CEP112: variants seen among roughly 807,000 people sequenced by gnomAD.
CEP112 encodes centrosomal protein of 112 kDa.
A neutral mutation model predicts 153.0 loss-of-function variants in CEP112; 127 were observed. The observed-to-expected ratio is 0.83, with a 90% CI of 0.72 to 0.96. CEP112 has a LOEUF of 0.96. Among genes scored for constraint, CEP112 ranks in the 40% least tolerant of loss-of-function variants. CEP112 has a pLI of 0.00. For synonymous variants in CEP112, 358 were observed against 374.4 expected (o/e 0.96, Z 0.51); for missense variants, 1,089 against 1,101.2 (o/e 0.99, Z 0.16).
intron 23 of CEP112, among the ~76,000 whole-genome samples, chr17:65,741,034 A>G (rs2051103894): frequency 6.6e-6 from 1 of 152,190 alleles, no homozygotes; most frequent in African/African-American, 2.4e-5. Flanking sequence ...AGTAAGACAG[A>G]TTGTGGCTTG....
At chr17:65,916,560 G>A (rs2060500493) in intron 19 of CEP112, among the ~76,000 whole-genome samples, 1 of 150,914 alleles carries the variant, frequency 6.6e-6, no homozygotes, top group Non-Finnish European at 1.5e-5. Flanking sequence ...TTTGAAATGG[G>A]TGGGTGGGGT....
chr17:65,767,176 T>C (rs1286536454), intron 21 of CEP112, among the ~76,000 whole-genome samples: 1 of 152,052 alleles, frequency 6.6e-6, no homozygotes, highest in Non-Finnish European at 1.5e-5. Context: ...ATCAAAATCA[T>C]GTCAAGTATT....
intron 20 of CEP112, among the ~76,000 whole-genome samples, chr17:65,867,283 T>TCACCACTTTGAGTGG: frequency 6.6e-6 from 1 of 152,282 alleles, no homozygotes; most frequent in South Asian, 2.1e-4. Context: ...CACATACTAT[T>TCACCACTTTGAGTGG]CACCACTTTG....
intron 21 of CEP112, among the ~76,000 whole-genome samples, chr17:65,841,984 T>C (rs1472361470): frequency 6.6e-6 from 1 of 151,946 alleles, no homozygotes; most frequent in Non-Finnish European, 1.5e-5. Context: ...TCCATTTAAA[T>C]ATAAAACTTT....
At chr17:65,637,938 A>G (rs2044865878) in intron 25 of CEP112, among the ~76,000 whole-genome samples, 1 of 152,260 alleles carries the variant, frequency 6.6e-6, no homozygotes, top group Non-Finnish European at 1.5e-5. Flanking sequence ...ACAGAACTTC[A>G]TAGCGGAAAG....
At chr17:66,177,678 CTAT>C (rs2072545128) in intron 2 of CEP112, among the ~76,000 whole-genome samples, 1 of 152,146 alleles carries the variant, frequency 6.6e-6, no homozygotes, top group Non-Finnish European at 1.5e-5. Context: ...CGCATTCACT[CTAT>C]GTTTTTGTAC....
intron 23 of CEP112, among the ~76,000 whole-genome samples, chr17:65,697,639 C>G (rs138301726): frequency 6.6e-6 from 1 of 152,198 alleles, no homozygotes; most frequent in East Asian, 1.9e-4. Flanking sequence ...GAAAGTGACA[C>G]AGTGGCAGCG....
At chr17:65,920,810 C>G (rs930132563) in intron 19 of CEP112, among the ~76,000 whole-genome samples, 1 of 151,980 alleles carries the variant, frequency 6.6e-6, no homozygotes, top group African/African-American at 2.4e-5. Context: ...CCCCTGTGTC[C>G]CAGGCACCAC....
intron 12 of CEP112, among the ~76,000 whole-genome samples, chr17:66,050,485 C>T (rs184966231): frequency 1.1e-3 from 174 of 152,276 alleles, no homozygotes; most frequent in African/African-American, 3.2e-3. Context: ...AACCTAGTGT[C>T]TTCTGCTGAG....
At chr17:65,785,718 T>G (rs1027804650) in intron 21 of CEP112, among the ~76,000 whole-genome samples, 2 of 152,212 alleles carry the variant, frequency 1.3e-5, no homozygotes, top group Non-Finnish European at 2.9e-5. Flanking sequence ...TCATGAAAAT[T>G]TACTTGCATG....
chr17:65,777,632 C>T (rs1484826753), intron 21 of CEP112, among the ~76,000 whole-genome samples: 1 of 151,560 alleles, frequency 6.6e-6, no homozygotes, highest in Non-Finnish European at 1.5e-5. Flanking sequence ...GGTTGAAGTT[C>T]TCCTCCCCTT....
chr17:65,718,372 C>A (rs1306362641), intron 23 of CEP112, among the ~76,000 whole-genome samples: 1 of 150,458 alleles, frequency 6.6e-6, no homozygotes, highest in Non-Finnish European at 1.5e-5. Context: ...TGCACCATTG[C>A]ACTCCAGCCT....
chr17:65,644,427 C>T (rs953269623), intron 24 of CEP112: 7 of 487,668 alleles, frequency 1.4e-5, no homozygotes, highest in Admixed American at 5.3e-5. Context: ...AGGCTTAGCT[C>T]GGTTGCATTT....
chr17:65,858,604 T>C (rs2058202645), intron 20 of CEP112, among the ~76,000 whole-genome samples: 12 of 152,176 alleles, frequency 7.9e-5, no homozygotes, highest in Admixed American at 7.9e-4. Flanking sequence ...TTATTCCCAA[T>C]ATTGTTTATT....
intron 21 of CEP112, among the ~76,000 whole-genome samples, chr17:65,759,288 C>G (rs764224729): frequency 2.6e-5 from 4 of 152,094 alleles, no homozygotes. Flanking sequence ...ATGGAGTAAC[C>G]ATTCTTTTAT....
intron 20 of CEP112, among the ~76,000 whole-genome samples, chr17:65,873,305 A>G (rs769300683): frequency 3.9e-5 from 6 of 152,198 alleles, no homozygotes; most frequent in Non-Finnish European, 8.8e-5. Flanking sequence ...GGTTACCACC[A>G]GTTTCTCAAA....
At chr17:66,011,233 G>A (rs1041113609) in intron 16 of CEP112, among the ~76,000 whole-genome samples, 15 of 151,896 alleles carry the variant, frequency 9.9e-5, no homozygotes, top group South Asian at 2.1e-4. Context: ...CTTCAGTTCC[G>A]TTCTACTTTT....
intron 20 of CEP112, among the ~76,000 whole-genome samples, chr17:65,870,216 T>C (rs1472521252): frequency 6.6e-6 from 1 of 152,172 alleles, no homozygotes; most frequent in Admixed American, 6.5e-5. Flanking sequence ...ATGGCTACAT[T>C]TGTTTTTTTG....
intron 6 of CEP112, among the ~76,000 whole-genome samples, chr17:66,124,104 A>C (rs1287882848): frequency 4.6e-5 from 7 of 152,182 alleles, no homozygotes; most frequent in African/African-American, 1.7e-4. Flanking sequence ...GTCTGGGACT[A>C]GGGCAATAGT....
Sources: allele counts gnomAD v4.1 joint callset (sites outside exome capture counted in the v4.1 genomes callset), GRCh38; gene constraint gnomAD v4.1.1; transcripts MANE v1.5; gene names NCBI Gene and HGNC (gene_info 2026-07-23, HGNC 2026-07-21).